Variants in ZNF653 observed in about 807,000 individuals in gnomAD.
ZNF653 encodes the protein zinc finger protein 653, also known as 67 kDa zinc finger protein.
ZNF653 carries 37 observed loss-of-function variants against 59.9 expected under a neutral mutation model. The observed-to-expected ratio is 0.62, with a 90% CI of 0.48 to 0.81. The LOEUF is 0.81. ZNF653 is among the 40% of genes least tolerant of loss of function. The pLI is 0.00. For synonymous variants in ZNF653, 435 were observed against 371.8 expected (o/e 1.17, Z -1.96); for missense variants, 808 against 881.1 (o/e 0.92, Z 1.05).
intron 3 of ZNF653, among the ~76,000 whole-genome samples, chr19:11,490,071 C>T (rs1203825451): frequency 6.6e-6 from 1 of 152,236 alleles, no homozygotes; most frequent in Non-Finnish European, 1.5e-5. Context: ...CTTCAGATGT[C>T]AGCTGCAAGT....
chr19:11,503,673 T>A (rs2144954543), intron 1 of ZNF653, among the ~76,000 whole-genome samples: 1 of 151,556 alleles, frequency 6.6e-6, no homozygotes, highest in South Asian at 2.1e-4. Flanking sequence ...CCAGGTGAGG[T>A]GGCTCCTCTG....
chr19:11,503,152 G>T (rs1422924833), intron 1 of ZNF653, among the ~76,000 whole-genome samples: 1 of 152,126 alleles, frequency 6.6e-6, no homozygotes, highest in Non-Finnish European at 1.5e-5. Context: ...GGAAAAACTG[G>T]AGTCCTCTCC....
chr19:11,488,966 C>A (rs1971501806), intron 3 of ZNF653, among the ~76,000 whole-genome samples: 1 of 151,146 alleles, frequency 6.6e-6, no homozygotes, highest in Non-Finnish European at 1.5e-5. Context: ...ATGGTGCAAT[C>A]TTGGCTCACT....
At chr19:11,485,450 C>T (rs1250977923) in intron 7 of ZNF653, among the ~76,000 whole-genome samples, 1 of 152,136 alleles carries the variant, frequency 6.6e-6, no homozygotes, top group Non-Finnish European at 1.5e-5. Flanking sequence ...CCAGCCCCAC[C>T]CAATTCCTGT....
rs1052372556 is a variant in ZNF653, at chr19:11,487,771, A to G, written c.692T>C (p.Val231Ala). Residue 231 changes from valine to alanine, a missense_variant, in exon 4 of 9, where the codon GTG (valine) becomes GCG (alanine). Val to Ala is a moderately conservative substitution (Grantham distance 64). Coordinates refer to ENST00000293771, the MANE Select transcript of ZNF653 (RefSeq NM_138783.4). This position sits in a 1 kb window ranked among gnomAD's most constrained non-coding sequence, Gnocchi z 5.1. ...CTGAGTGATGAGCCCGCTGCTGCCC[A>G]CCGGGCTGGTGGGCGTCGCTGCCGC... ...AAAAATPTSP[V>A]GSSGLITQEG... The G allele has an allele frequency of 2.5e-6, 4 of 1,612,754 alleles. No homozygotes were observed. Among genetic ancestry groups the G allele is most frequent in the Non-Finnish European group, 3.4e-6 (4 of 1,179,762 alleles).
intron 1 of ZNF653, among the ~76,000 whole-genome samples, chr19:11,501,726 C>T (rs1163779995): frequency 6.6e-6 from 1 of 152,196 alleles, no homozygotes; most frequent in Non-Finnish European, 1.5e-5. Flanking sequence ...TTCTCCCTCA[C>T]CTCCCTTACC....
rs201385878 is a variant in ZNF653, at chr19:11,484,155, G to A, written c.1571-14C>T. On this transcript the variant is annotated splice_polypyrimidine_tract_variant and intron_variant, in intron 7 of 8. Transcript: ENST00000293771. ...ATTCACGGACACCTGGGGGCGGTGG[G>A]GACCGAGGCTGAGGACGGTGGGCTA... The A allele has an allele frequency of 7.0e-5, 108 of 1,549,440 alleles. No individual in the cohort carries two copies. In the East Asian group the frequency reaches 2.6e-3, roughly 38 times the overall value.
chr19:11,490,332 TG>T (rs1971517448), intron 3 of ZNF653, among the ~76,000 whole-genome samples: 1 of 152,214 alleles, frequency 6.6e-6, no homozygotes, highest in Non-Finnish European at 1.5e-5. Flanking sequence ...CATCTCAATC[TG>T]GAACTGTTCA....
intron 6 of ZNF653, 35 bp from the exon 7 acceptor site, chr19:11,485,805 G>A: frequency 1.3e-6 from 2 of 1,524,306 alleles, no homozygotes; most frequent in African/African-American, 1.4e-5. Context: ...GGTCCCATAG[G>A]CCCACAGAAG....
At chr19:11,488,994 G>A (rs748992687) in intron 3 of ZNF653, among the ~76,000 whole-genome samples, 11 of 151,584 alleles carry the variant, frequency 7.3e-5, no homozygotes, top group Non-Finnish European at 1.6e-4. Context: ...CTGCCTCCTG[G>A]GTTCAAGCGA....
At chr19:11,499,209 C>T (rs535316124) in intron 1 of ZNF653, among the ~76,000 whole-genome samples, 33 of 152,284 alleles carry the variant, frequency 2.2e-4, no homozygotes, top group African/African-American at 6.5e-4. Flanking sequence ...AGTCAGGGAG[C>T]AGAGAAGTAA....
At position 11,488,131 on chromosome 19, in the gene ZNF653, G is replaced by A. The variant is rs544243187; in HGVS notation, c.560-228C>T. The stretch of plus-strand genomic sequence containing the variant: ...GGCTCCCGAGTAGCTGGGACTACAG[G>A]TGTGCGCCACCACACCTGGCTTTTT... On this transcript the variant is annotated intron_variant, in intron 3 of 8. Transcript: ENST00000293771. Among the ~76,000 whole-genome samples, 39 of 146,816 alleles carry A rather than the reference G, an allele frequency of 2.7e-4. No individual in the cohort carries two copies. The South Asian group carries it at 6.7e-3, about 25-fold the overall frequency.
chr19:11,501,335 C>T (rs1488695294), intron 1 of ZNF653, among the ~76,000 whole-genome samples: 4 of 152,022 alleles, frequency 2.6e-5, no homozygotes, highest in African/African-American at 9.7e-5. Flanking sequence ...TGCACCACCA[C>T]ACCCGGCTAA....
intron 1 of ZNF653, among the ~76,000 whole-genome samples, chr19:11,501,594 T>A (rs1165180192): frequency 6.6e-6 from 1 of 152,006 alleles, no homozygotes; most frequent in Admixed American, 6.6e-5. Context: ...CGTCACACAC[T>A]CTCCCATCAC....
intron 3 of ZNF653, among the ~76,000 whole-genome samples, chr19:11,494,001 C>A (rs311801): frequency 0.28 from 41,766 of 148,912 alleles, 10,758 homozygotes; most frequent in African/African-American, 0.69. Flanking sequence ...CCTGGGCAAC[C>A]GTGAGACCCT....
chr19:11,502,846 C>T (rs752480913), intron 1 of ZNF653, among the ~76,000 whole-genome samples: 2 of 152,072 alleles, frequency 1.3e-5, no homozygotes, highest in African/African-American at 2.4e-5. Flanking sequence ...CCAGCCTAGC[C>T]AACATGGCGA....
At chr19:11,485,600 C>A in intron 7 of ZNF653, 56 bp downstream of exon 7, 3 of 1,466,944 alleles carry the variant, frequency 2.0e-6, no homozygotes, top group Non-Finnish European at 2.9e-6. Flanking sequence ...GCCCAGGCTC[C>A]CAGGCCCATG....
Position 11,504,657 on chromosome 19 carries a change from C to T in ZNF653, c.299+831G>A, listed in dbSNP as rs1426984751. 1.5e-5 allele frequency: 11 copies of T among 749,844 alleles called. No individual in the cohort carries two copies. The African/African-American group carries it at 1.7e-4, about 12-fold the overall frequency. The allele number at this position is 749,844 out of a possible 1,614,324, so 46.4% of individuals were successfully genotyped here. A position where few individuals can be genotyped will look rare whatever the true frequency, so the allele number is the denominator to read the frequency against. On this transcript the variant is annotated intron_variant, in intron 1 of 8. Coordinates refer to ENST00000293771, the MANE Select transcript of ZNF653 (RefSeq NM_138783.4). ...ACATGAGAACATGTGTACCTGAAAA[C>T]CAGGGCAGAACAAGGATTTCCTTGC... is the stretch of plus-strand genomic sequence containing the variant.
At chr19:11,492,746 C>T (rs912199949) in intron 3 of ZNF653, among the ~76,000 whole-genome samples, 18 of 152,096 alleles carry the variant, frequency 1.2e-4, no homozygotes, top group African/African-American at 3.4e-4. Flanking sequence ...CCCCCAGTGC[C>T]GAGAAGGCTG....
Sources: allele counts gnomAD v4.1 joint callset (sites outside exome capture counted in the v4.1 genomes callset), GRCh38; gene constraint gnomAD v4.1.1; non-coding constraint Gnocchi (gnomAD v3.1); transcripts MANE v1.5; gene names NCBI Gene and HGNC (gene_info 2026-07-23, HGNC 2026-07-21).